The following CLYBL variants were observed in gnomAD, a reference collection of about 807,000 sequenced individuals.
The protein encoded by CLYBL is citramalyl-CoA lyase.
Under a neutral mutation model 38.9 loss-of-function variants are expected in CLYBL, and 31 were observed. The observed-to-expected ratio is 0.80, with a 90% confidence interval of 0.60 to 1.08. CLYBL has a LOEUF of 1.08. Among genes scored for constraint, CLYBL ranks in the 50% least tolerant of loss-of-function variants. The pLI is 0.00. For synonymous variants in CLYBL, 171 were observed against 158.6 expected, an observed-to-expected ratio of 1.08 and a Z score of -0.59; for missense variants, 434 against 411.6, an observed-to-expected ratio of 1.05 and a Z score of -0.47.
intron 2 of CLYBL, among the ~76,000 whole-genome samples, chr13:99,825,676 G>T (rs147205407): frequency 6.6e-6 from 1 of 152,168 alleles, no homozygotes; most frequent in Non-Finnish European, 1.5e-5. Flanking sequence ...CTCTGCACAC[G>T]CTGAGAGCAC....
intron 1 of CLYBL, among the ~76,000 whole-genome samples, chr13:99,646,679 AT>A (rs1176000168): frequency 0.084 from 10,848 of 128,766 alleles, 676 homozygotes; most frequent in African/African-American, 0.2. Flanking sequence ...CACCTGGCTA[AT>A]TTTTTTTTTT....
exon 9 of CLYBL, among the ~76,000 whole-genome samples, chr13:99,905,368 C>G (rs926108997): frequency 6.6e-6 from 1 of 152,202 alleles, no homozygotes; most frequent in East Asian, 1.9e-4. Context: ...GATCTGCCCT[C>G]CAGCACACAT....
intron 9 of CLYBL, among the ~76,000 whole-genome samples, chr13:99,908,008 G>A (rs916861588): frequency 2.1e-4 from 32 of 152,080 alleles, no homozygotes; most frequent in African/African-American, 6.8e-4. Context: ...AACAGCACTC[G>A]GATTGGCAAA....
At chr13:99,895,786 G>C (rs572328327), downstream of CLYBL, 1 of 152,264 alleles carries the variant, frequency 6.6e-6, no homozygotes, top group Admixed American at 6.5e-5. Flanking sequence ...TTAGCGCCCG[G>C]GCGGCGGCGG....
chr13:99,903,564 C>T (rs776661023), intron 8 of CLYBL, among the ~76,000 whole-genome samples: 44 of 152,160 alleles, frequency 2.9e-4, no homozygotes, highest in Non-Finnish European at 5.7e-4. Flanking sequence ...AAATTAAAAA[C>T]TTTGACATCT....
chr13:99,889,830 G>C (rs578216186), intron 7 of CLYBL, among the ~76,000 whole-genome samples: 63 of 152,264 alleles, frequency 4.1e-4, no homozygotes, highest in African/African-American at 1.5e-3. Flanking sequence ...CGGCAGCCCT[G>C]AGTGACATCA....
intron 7 of CLYBL, among the ~76,000 whole-genome samples, chr13:99,878,082 A>G (rs1208690677): frequency 6.6e-6 from 1 of 152,216 alleles, no homozygotes; most frequent in Admixed American, 6.5e-5. Context: ...TACACGAAAC[A>G]CATTTAGTAA....
intron 2 of CLYBL, among the ~76,000 whole-genome samples, chr13:99,833,026 ATATATTTTTTTTTTTT>A (rs1265610407): frequency 2.8e-5 from 1 of 36,254 alleles, no homozygotes; most frequent in South Asian, 8.6e-4. Flanking sequence ...ATATATATAT[ATATATTTTTTTTTTTT>A]TTTTTTTTTT....
chr13:99,788,680 T>C (rs1243070023), intron 2 of CLYBL, among the ~76,000 whole-genome samples: 4 of 152,210 alleles, frequency 2.6e-5, no homozygotes, highest in African/African-American at 4.8e-5. Context: ...TGTGTGTCTC[T>C]GCCAGGCTTT....
In CLYBL at chr13:99,891,385, C is replaced by T. The variant is rs148921379; in HGVS notation, c.995C>T (p.Thr332Met). Residue 332 changes from threonine to methionine, a missense_variant, in exon 8 of 9, where the codon ACG becomes ATG. By Grantham distance (81) the Thr-to-Met change is moderately conservative (BLOSUM62 -1). Transcript: ENST00000339105. ...PLLKQAQNTV[T>M]LATSIKEK ...CTGAAGCAGGCCCAGAACACTGTTACGCTTGCCACCTCCATCAAGGAAAAA... is the reference window on the plus strand; with the variant it reads ...CTGAAGCAGGCCCAGAACACTGTTATGCTTGCCACCTCCATCAAGGAAAAA... 5.5e-4 allele frequency: 890 copies of T among 1,613,590 alleles called. No individual in the cohort carries two copies. The highest frequency in any genetic ancestry group is 6.9e-4 in the Non-Finnish European group (808 of 1,179,550).
intron 1 of CLYBL, among the ~76,000 whole-genome samples, chr13:99,625,268 A>G (rs976650532): frequency 6.6e-6 from 1 of 152,188 alleles, no homozygotes; most frequent in African/African-American, 2.4e-5. Context: ...TGGCTCTCAG[A>G]CCTTGCATGG....
chr13:99,749,166 C>T (rs1408943857), intron 1 of CLYBL, among the ~76,000 whole-genome samples: 1 of 149,676 alleles, frequency 6.7e-6, no homozygotes, highest in East Asian at 2.0e-4. Context: ...GGCGACAAAG[C>T]GAGACTCTGT....
chr13:99,710,883 T>C (rs1594132566), intron 1 of CLYBL, among the ~76,000 whole-genome samples: 3 of 84,110 alleles, frequency 3.6e-5, no homozygotes, highest in Admixed American at 1.3e-4. Flanking sequence ...TCTAACCCCT[T>C]TTTTTTTTTT....
At chr13:99,728,395 C>T (rs2048521236) in intron 1 of CLYBL, among the ~76,000 whole-genome samples, 1 of 151,108 alleles carries the variant, frequency 6.6e-6, no homozygotes, top group Non-Finnish European at 1.5e-5. Flanking sequence ...TATCCTGCCT[C>T]AGCCTCCCGA....
chr13:99,637,394 C>T (rs1006084078), intron 1 of CLYBL, among the ~76,000 whole-genome samples: 1 of 152,180 alleles, frequency 6.6e-6, no homozygotes, highest in Admixed American at 6.5e-5. Context: ...TCCAGTCTTT[C>T]CAGCATATTG....
chr13:99,608,595 C>CT (rs2046570060), intron 1 of CLYBL, among the ~76,000 whole-genome samples: 1 of 152,100 alleles, frequency 6.6e-6, no homozygotes, highest in African/African-American at 2.4e-5. Context: ...CGTCTGTGAC[C>CT]TGTTCAGTAG....
intron 1 of CLYBL, among the ~76,000 whole-genome samples, chr13:99,657,244 G>T (rs907666165): frequency 6.6e-6 from 1 of 152,208 alleles, no homozygotes; most frequent in Non-Finnish European, 1.5e-5. Flanking sequence ...AAAGGGAAAA[G>T]GATCTTGTAT....
rs548099591 is a variant in CLYBL, at chr13:99,775,991, A to G, written c.249+2981A>G. The stretch of plus-strand genomic sequence containing the variant: ...ATCCTGGCTAACATGGTGAAACCCC[A>G]TCTCTACTAAAAAATACAAAAAATT... On this transcript the variant is annotated intron_variant, in intron 2 of 8. Transcript: ENST00000339105. Among the ~76,000 whole-genome samples, 235 of 151,728 alleles carry G rather than the reference A, an allele frequency of 1.5e-3. 1 individual carries two copies. The highest frequency in any genetic ancestry group is 1.0e-2 in the South Asian group (48 of 4,802).
At chr13:99,740,918 A>T (rs1055393859) in intron 1 of CLYBL, among the ~76,000 whole-genome samples, 1 of 152,192 alleles carries the variant, frequency 6.6e-6, no homozygotes, top group African/African-American at 2.4e-5. Context: ...AGCATCAGGG[A>T]CAAGGGATGG....
Sources: gnomAD v4.1 joint callset for allele counts (sites outside exome capture counted in the v4.1 genomes callset) on GRCh38, gnomAD v4.1.1 for gene constraint, MANE v1.5 for transcripts, NCBI Gene and HGNC (gene_info 2026-07-23, HGNC 2026-07-21) for gene names.